SPATA9: variants seen among roughly 807,000 people sequenced by gnomAD.
The protein encoded by SPATA9 is spermatogenesis-associated protein 9.
Under a neutral mutation model 25.5 loss-of-function variants are expected in SPATA9, and 27 were observed. That is an observed-to-expected ratio of 1.06 (90% CI 0.78 to 1.46). The LOEUF is 1.46. Among genes scored for constraint, SPATA9 ranks in the 40% most tolerant of loss-of-function variants. The pLI is 0.00. For missense variants in SPATA9, 282 were observed against 297.5 expected (o/e 0.95, Z 0.38); for synonymous variants, 102 against 105.7 (o/e 0.97, Z 0.21).
chr5:95,729,835 T>C, the SPATA9 span, among the ~76,000 whole-genome samples: 4 of 152,354 alleles, frequency 2.6e-5, no homozygotes, highest in South Asian at 2.1e-4. Context: ...ATGTTGTAGT[T>C]TATGAAGGAA....
intron 3 of SPATA9, chr5:95,670,299 T>C (rs1338601301): frequency 2.0e-5 from 3 of 152,214 alleles, no homozygotes; most frequent in African/African-American, 7.2e-5. Context: ...TTCTAGTTAT[T>C]GTTTGTGTCC....
At chr5:95,709,377 G>A in the SPATA9 span, among the ~76,000 whole-genome samples, 1 of 152,344 alleles carries the variant, frequency 6.6e-6, no homozygotes, top group South Asian at 2.1e-4. Context: ...AGCCTGATAA[G>A]GGGTGCACCT....
At chr5:95,682,767 C>A (rs776596315) in intron 1 of SPATA9, 27 bp downstream of exon 1, 1 of 1,538,324 alleles carries the variant, frequency 6.5e-7, no homozygotes, top group Non-Finnish European at 8.7e-7. Flanking sequence ...CACACCCATA[C>A]GCCCTTTACA....
At chr5:95,731,262 C>T in the SPATA9 span, 3 of 1,009,236 alleles carry the variant, frequency 3.0e-6, no homozygotes, top group Non-Finnish European at 3.5e-6. Flanking sequence ...GCGCCCGGTC[C>T]GCTGAGGGGG....
rs1326277993 is a variant in SPATA9, at chr5:95,682,916, C to T, written c.-62G>A. 3.5e-6 allele frequency: 5 copies of T among 1,438,030 alleles called. No individual in the cohort carries two copies. The highest frequency in any genetic ancestry group is 3.7e-6 in the Non-Finnish European group (4 of 1,094,800). 89.1% of individuals were successfully genotyped at this position (1,438,030 alleles called of 1,614,324 possible). The stretch of plus-strand genomic sequence containing the variant: ...CTTGCAGGCCTGGGTAATGCTTGTC[C>T]TAGTCTGCCATTAGTGAAAGATGAG... On this transcript the variant is annotated 5_prime_UTR_variant, in exon 1 of 5. It removes the in-frame stop codon of an upstream open reading frame in the 5' UTR. Coordinates refer to ENST00000274432, the MANE Select transcript of SPATA9 (RefSeq NM_031952.4).
chr5:95,658,691 G>T lies in SPATA9; in HGVS notation c.697C>A (p.Gln233Lys). ...TGTAAAACTTGGATGTTATTACTCT[G>T]CTTATTAGCAAGAAGCTTGGGGTAA... is the stretch of plus-strand genomic sequence containing the variant. ...SDYPKLLANK[Q>K]SNNIQVLHSV... Residue 233 changes from glutamine (Q) to lysine (K), a missense_variant, in exon 5 of 5, where the codon CAG becomes AAG. Gln to Lys is a moderately conservative substitution (Grantham distance 53). Transcript: ENST00000274432. 2 of 1,613,670 alleles carry T rather than the reference G, an allele frequency of 1.2e-6. No homozygotes were observed. Among genetic ancestry groups the T allele is most frequent in the South Asian group, 1.1e-5 (1 of 91,072 alleles).
At chr5:95,727,720 C>CT in the SPATA9 span, among the ~76,000 whole-genome samples, 4 of 152,216 alleles carry the variant, frequency 2.6e-5, no homozygotes, top group East Asian at 7.7e-4. Flanking sequence ...AGGGAAATAA[C>CT]TTTAAAAAAG....
chr5:95,720,181 G>C, the SPATA9 span, among the ~76,000 whole-genome samples: 38 of 152,294 alleles, frequency 2.5e-4, 1 homozygote, highest in East Asian at 6.7e-3. Context: ...ACAAAATAAA[G>C]TTTCTGGACT....
chr5:95,731,105 G>A, the SPATA9 span: 5 of 1,108,602 alleles, frequency 4.5e-6, no homozygotes, highest in Non-Finnish European at 4.5e-6. Flanking sequence ...GAGCTCTCGG[G>A]CTGGGGCGTT....
chr5:95,691,864 T>A (rs1753903072), intron 1 of SPATA9, among the ~76,000 whole-genome samples: 1 of 152,190 alleles, frequency 6.6e-6, no homozygotes. Context: ...TTAGTTTCTT[T>A]CTATGCCAAT....
At chr5:95,653,646 C>T (rs930887507), downstream of SPATA9, among the ~76,000 whole-genome samples, 5 of 152,186 alleles carry the variant, frequency 3.3e-5, no homozygotes, top group Non-Finnish European at 7.4e-5. Flanking sequence ...CGCCTGTAAT[C>T]CCAGCACTTT....
At chr5:95,685,540 A>G (rs1331565611), upstream of SPATA9, among the ~76,000 whole-genome samples, 2 of 152,340 alleles carry the variant, frequency 1.3e-5, no homozygotes, top group East Asian at 3.9e-4. Flanking sequence ...TCCCAGTACT[A>G]TGTCCTCCAG....
chr5:95,723,248 G>A, the SPATA9 span, among the ~76,000 whole-genome samples: 1 of 152,180 alleles, frequency 6.6e-6, no homozygotes, highest in Non-Finnish European at 1.5e-5. Flanking sequence ...AAAAATTTGT[G>A]TTGGGCCACA....
intron 3 of SPATA9, among the ~76,000 whole-genome samples, chr5:95,666,229 T>G (rs1285229941): frequency 6.6e-6 from 1 of 152,162 alleles, no homozygotes; most frequent in Non-Finnish European, 1.5e-5. Flanking sequence ...GAAATAGTAC[T>G]CCAGGGCCCA....
At chr5:95,675,945 C>A (rs111434818) in intron 2 of SPATA9, among the ~76,000 whole-genome samples, 1,715 of 151,856 alleles carry the variant, frequency 0.011, 31 homozygotes, top group African/African-American at 0.039. Flanking sequence ...ACTCAGCCTC[C>A]CGAGTAACTG....
intron 3 of SPATA9, among the ~76,000 whole-genome samples, chr5:95,665,058 A>G (rs77197233): frequency 0.012 from 1,893 of 152,256 alleles, 37 homozygotes; most frequent in African/African-American, 0.043. Flanking sequence ...ATTTTTTCAA[A>G]CCTTTTATGT....
At chr5:95,719,811 A>G in the SPATA9 span, 7 of 152,240 alleles carry the variant, frequency 4.6e-5, no homozygotes, top group African/African-American at 1.7e-4. Flanking sequence ...AAATTGGTCA[A>G]GGCATAAATT....
At chr5:95,723,993 AAATC>A in the SPATA9 span, among the ~76,000 whole-genome samples, 1 of 152,246 alleles carries the variant, frequency 6.6e-6, no homozygotes, top group Non-Finnish European at 1.5e-5. Context: ...GATAAAGATC[AAATC>A]AATCATAGTT....
At chr5:95,701,159 C>G (rs1377175454), upstream of SPATA9, 1 of 152,170 alleles carries the variant, frequency 6.6e-6, no homozygotes, top group Non-Finnish European at 1.5e-5. Flanking sequence ...TTCTAGAATT[C>G]TAATTCCTAG....
Sources: gnomAD v4.1 joint callset for allele counts (sites outside exome capture counted in the v4.1 genomes callset) on GRCh38, gnomAD v4.1.1 for gene constraint, MANE v1.5 for transcripts, NCBI Gene and HGNC (gene_info 2026-07-23, HGNC 2026-07-21) for gene names.